The following EDIL3 variants were observed in gnomAD, a reference collection of about 807,000 sequenced individuals.
EDIL3 encodes EGF like and discoidin domains 3, also known as EGF-like repeat and discoidin I-like domain-containing protein 3.
EDIL3 carries 37 observed loss-of-function variants against 67.4 expected under a neutral mutation model. The observed-to-expected ratio is 0.55, with a 90% confidence interval of 0.42 to 0.72. The LOEUF (loss-of-function observed/expected upper bound fraction) is 0.72. Ranked by LOEUF, EDIL3 falls within the 30% of genes least tolerant of loss-of-function variation. The pLI is 0.00. For synonymous variants in EDIL3, 195 were observed against 196.3 expected (o/e 0.99, Z 0.05); for missense variants, 527 against 586.3 (o/e 0.90, Z 1.04).
At chr5:84,155,265 A>G (rs190203863) in intron 4 of EDIL3, among the ~76,000 whole-genome samples, 190 of 152,324 alleles carry the variant, frequency 1.2e-3, no homozygotes, top group Non-Finnish European at 2.5e-3. Flanking sequence ...TCAAATTCAT[A>G]TATCCCCAGA....
chr5:84,359,863 A>C (rs1294435319), intron 1 of EDIL3, among the ~76,000 whole-genome samples: 1 of 152,202 alleles, frequency 6.6e-6, no homozygotes, highest in Non-Finnish European at 1.5e-5. Flanking sequence ...CCTACCATTC[A>C]ACATTCAACT....
At chr5:84,056,558 A>G (rs946010094) in intron 9 of EDIL3, among the ~76,000 whole-genome samples, 4 of 152,176 alleles carry the variant, frequency 2.6e-5, no homozygotes, top group Admixed American at 6.6e-5. Flanking sequence ...CTATATGACA[A>G]TTAGGCATGA....
chr5:84,096,605 G>A (rs1339107879), intron 6 of EDIL3, among the ~76,000 whole-genome samples: 2 of 152,152 alleles, frequency 1.3e-5, no homozygotes, highest in Non-Finnish European at 2.9e-5. Context: ...TAGGCTGAAG[G>A]GACTTGGTTT....
chr5:84,202,976 G>A (rs1017301820), intron 3 of EDIL3, among the ~76,000 whole-genome samples: 2 of 152,080 alleles, frequency 1.3e-5, no homozygotes, highest in African/African-American at 4.8e-5. Context: ...GAGGAAACAG[G>A]CAAGGAGACT....
chr5:84,229,204 C>T (rs764478170), intron 3 of EDIL3, among the ~76,000 whole-genome samples: 2 of 152,122 alleles, frequency 1.3e-5, no homozygotes, highest in Non-Finnish European at 2.9e-5. Flanking sequence ...TGTCCTGGAA[C>T]CATGTGGAAA....
At chr5:83,960,480 A>T (rs1387678697) in intron 10 of EDIL3, among the ~76,000 whole-genome samples, 1 of 151,078 alleles carries the variant, frequency 6.6e-6, no homozygotes, top group Non-Finnish European at 1.5e-5. Context: ...TGCATGTATT[A>T]AAATATCATA....
intron 1 of EDIL3, among the ~76,000 whole-genome samples, chr5:84,357,714 C>T (rs1012434768): frequency 2.6e-5 from 4 of 151,956 alleles, no homozygotes; most frequent in Non-Finnish European, 5.9e-5. Flanking sequence ...CATGGTGAAA[C>T]CCCATCTCTA....
In EDIL3 at chr5:84,068,870, A is replaced by G. The variant is rs369426102; in HGVS notation, c.652-2264T>C. 1.4e-4 allele frequency among the ~76,000 whole-genome samples: 22 copies of G among 152,324 alleles called. No individual in the cohort carries two copies. The South Asian group carries it at 4.6e-3, about 32-fold the overall frequency. ...TACTCAAATTTAATACCAGTAAACTATGTTGCTATAGGAAATAAACTAAGT... is the reference window on the plus strand; with the variant it reads ...TACTCAAATTTAATACCAGTAAACTGTGTTGCTATAGGAAATAAACTAAGT... On this transcript the variant is annotated intron_variant, in intron 6 of 10. Transcript: ENST00000296591.
intron 9 of EDIL3, among the ~76,000 whole-genome samples, chr5:84,053,901 C>A (rs575641670): frequency 6.6e-6 from 1 of 152,238 alleles, no homozygotes; most frequent in African/African-American, 2.4e-5. Flanking sequence ...TGGTACCATT[C>A]CTTCTGAAAC....
chr5:84,137,259 C>T lies in EDIL3; in HGVS notation c.451G>A (p.Gly151Arg). ...YSCECPGEFM[G>R]RNCQYKCSGP... Reference sequence around the variant, plus strand: ...TACTTACTGTATTGACAATTTCTTCCCATAAATTCGCCTGGGCACTCACAG... The same window carrying T: ...TACTTACTGTATTGACAATTTCTTCTCATAAATTCGCCTGGGCACTCACAG... Residue 151 changes from glycine to arginine, a missense_variant, in exon 5 of 11, where the codon GGA becomes AGA. Around this residue, in one of 2 missense-constraint regions of EDIL3, gnomAD observed 494 missense variants for 522.5 expected, o/e 0.95. Transcript: ENST00000296591. 6.2e-7 allele frequency: 1 copy of T among 1,611,856 alleles called. No homozygotes were observed. The highest frequency in any genetic ancestry group is 8.5e-7 in the Non-Finnish European group (1 of 1,179,306).
intron 5 of EDIL3, among the ~76,000 whole-genome samples, chr5:84,117,672 T>C (rs1041617272): frequency 4.6e-5 from 7 of 151,462 alleles, no homozygotes; most frequent in African/African-American, 7.3e-5. Context: ...AAGCCCATAA[T>C]AGAATTACCT....
intron 1 of EDIL3, among the ~76,000 whole-genome samples, chr5:84,272,835 T>C (rs1745503445): frequency 6.6e-6 from 1 of 152,182 alleles, no homozygotes; most frequent in Non-Finnish European, 1.5e-5. Flanking sequence ...AAATATAAGA[T>C]GGAAGTATGA....
At chr5:84,350,159 C>T (rs1747325905) in intron 1 of EDIL3, among the ~76,000 whole-genome samples, 1 of 152,092 alleles carries the variant, frequency 6.6e-6, no homozygotes, top group East Asian at 1.9e-4. Context: ...TTATGCTTTA[C>T]ATTTAGTTAT....
intron 1 of EDIL3, among the ~76,000 whole-genome samples, chr5:84,287,861 A>T (rs1651977873): frequency 6.6e-6 from 1 of 150,892 alleles, no homozygotes; most frequent in Non-Finnish European, 1.5e-5. Flanking sequence ...TTCCTCTCTA[A>T]CTCTTAATTT....
At chr5:84,330,943 C>T (rs147281825) in intron 1 of EDIL3, among the ~76,000 whole-genome samples, 101 of 152,306 alleles carry the variant, frequency 6.6e-4, no homozygotes, top group African/African-American at 2.3e-3. Context: ...TGAGACCTTA[C>T]CTCTTGCATC....
chr5:84,284,472 T>G (rs2112110990), intron 1 of EDIL3, among the ~76,000 whole-genome samples: 1 of 152,236 alleles, frequency 6.6e-6, no homozygotes, highest in South Asian at 2.1e-4. Context: ...AGGCCCATTC[T>G]TCCTGACTTT....
At chr5:84,127,827 A>G (rs1747893584) in intron 5 of EDIL3, among the ~76,000 whole-genome samples, 1 of 152,004 alleles carries the variant, frequency 6.6e-6, no homozygotes, top group Non-Finnish European at 1.5e-5. Context: ...CTCCCTTGGC[A>G]ATGCTATCTA....
At chr5:84,338,534 T>C (rs954431517) in intron 1 of EDIL3, among the ~76,000 whole-genome samples, 1 of 152,146 alleles carries the variant, frequency 6.6e-6, no homozygotes, top group Non-Finnish European at 1.5e-5. Context: ...TTTCTAATGA[T>C]GGACCAAAAG....
chr5:84,151,958 C>A (rs114345071), intron 4 of EDIL3, among the ~76,000 whole-genome samples: 1 of 150,238 alleles, frequency 6.7e-6, no homozygotes, highest in Non-Finnish European at 1.5e-5. Context: ...CTGTAGCCCA[C>A]GCAGGAGAGC....
Sources: allele counts gnomAD v4.1 joint callset (sites outside exome capture counted in the v4.1 genomes callset), GRCh38; gene constraint gnomAD v4.1.1; regional missense constraint gnomAD v4.1.1; transcripts MANE v1.5; gene names NCBI Gene and HGNC (gene_info 2026-07-23, HGNC 2026-07-21).